The following MSRA variants were observed in gnomAD, a reference collection of about 807,000 sequenced individuals.
MSRA encodes the protein mitochondrial peptide methionine sulfoxide reductase.
In MSRA, 54 loss-of-function variants were observed where a neutral mutation model predicts 31.3. That is an observed-to-expected ratio of 1.73 (90% confidence interval 1.39 to 2.17). The LOEUF is 2.17. Among genes scored for constraint, MSRA ranks in the 30% most tolerant of loss-of-function variants. MSRA has a pLI of 0.00. For synonymous variants in MSRA, 169 were observed against 116.5 expected (o/e 1.45, Z -2.90); for missense variants, 507 against 300.9 (o/e 1.69, Z -5.07).
chr8:10,096,291 G>C (rs770451879), intron 1 of MSRA: 17 of 1,132,124 alleles, frequency 1.5e-5, no homozygotes, highest in Non-Finnish European at 1.8e-5. Flanking sequence ...GAAGACACCA[G>C]ACTTCGCTTG....
intron 1 of MSRA, among the ~76,000 whole-genome samples, chr8:10,150,895 C>T (rs994016732): frequency 6.6e-6 from 1 of 152,124 alleles, no homozygotes; most frequent in Admixed American, 6.5e-5. Context: ...ACAGGGATCT[C>T]TCATTTTATA....
intron 1 of MSRA, among the ~76,000 whole-genome samples, chr8:10,116,519 A>T (rs1800690403): frequency 6.6e-6 from 1 of 152,218 alleles, no homozygotes; most frequent in South Asian, 2.1e-4. Flanking sequence ...CTTGCCCTTG[A>T]GGCTTCTACA....
chr8:10,410,323 T>C (rs1249067134), intron 5 of MSRA, among the ~76,000 whole-genome samples: 1 of 152,144 alleles, frequency 6.6e-6, no homozygotes, highest in Admixed American at 6.5e-5. Flanking sequence ...AGTCACTTGT[T>C]TGGGGGGTGC....
At chr8:10,264,872 C>T (rs1365197980) in intron 3 of MSRA, among the ~76,000 whole-genome samples, 1 of 152,108 alleles carries the variant, frequency 6.6e-6, no homozygotes. Context: ...GAAGCAAGGG[C>T]CAAATCGCAG....
At chr8:10,370,597 C>T (rs1046496965) in intron 5 of MSRA, among the ~76,000 whole-genome samples, 6 of 152,306 alleles carry the variant, frequency 3.9e-5, no homozygotes, top group Non-Finnish European at 7.4e-5. Context: ...GAGCAAAGTC[C>T]TGGTCACCGC....
intron 2 of MSRA, among the ~76,000 whole-genome samples, chr8:10,215,372 G>A (rs1422719242): frequency 2.6e-5 from 4 of 152,176 alleles, no homozygotes; most frequent in African/African-American, 9.7e-5. Flanking sequence ...TGCCACCTAG[G>A]ACTGTTGTCA....
chr8:10,073,191 A>G (rs76912457), intron 1 of MSRA, among the ~76,000 whole-genome samples: 70 of 152,260 alleles, frequency 4.6e-4, no homozygotes, highest in African/African-American at 1.7e-3. Flanking sequence ...CTTTGTATCT[A>G]TCTTAGGGGA....
chr8:10,262,369 T>A (rs773268498), intron 3 of MSRA, among the ~76,000 whole-genome samples: 15 of 152,254 alleles, frequency 9.9e-5, no homozygotes, highest in Non-Finnish European at 2.1e-4. Context: ...TTACTTTACA[T>A]CCTTGCCAGC....
chr8:10,250,799 A>G (rs187918220), intron 3 of MSRA: 178 of 266,642 alleles, frequency 6.7e-4, no homozygotes, highest in Non-Finnish European at 1.0e-3. Context: ...AAATGGGGCA[A>G]TGCTGCTTGA....
At chr8:10,418,169 A>G (rs752071294) in intron 5 of MSRA, among the ~76,000 whole-genome samples, 3 of 152,214 alleles carry the variant, frequency 2.0e-5, no homozygotes, top group Non-Finnish European at 4.4e-5. Flanking sequence ...AAATAATTAC[A>G]TGAAAACCTA....
chr8:10,313,363 G>C (rs1316435955), intron 4 of MSRA, among the ~76,000 whole-genome samples: 1 of 151,954 alleles, frequency 6.6e-6, no homozygotes, highest in African/African-American at 2.4e-5. Context: ...TAACTGCTTT[G>C]CATGATTATG....
chr8:10,208,000 C>T, intron 2 of MSRA, 99 bp downstream of exon 2: 1 of 874,414 alleles, frequency 1.1e-6, no homozygotes, highest in Non-Finnish European at 1.8e-6. Flanking sequence ...AAAATCTGGG[C>T]TCTTCTAGAT....
At chr8:10,341,666 A>G (rs1233016277) in intron 5 of MSRA, among the ~76,000 whole-genome samples, 1 of 152,186 alleles carries the variant, frequency 6.6e-6, no homozygotes, top group African/African-American at 2.4e-5. Flanking sequence ...GAGCCTGGAT[A>G]GGTAACTTAA....
intron 5 of MSRA, among the ~76,000 whole-genome samples, chr8:10,378,631 T>G (rs1343270269): frequency 6.6e-6 from 1 of 152,150 alleles, no homozygotes; most frequent in Non-Finnish European, 1.5e-5. Flanking sequence ...CCTCAGCAGC[T>G]CCGCGTCCCT....
rs545520137 is a variant in MSRA, at chr8:10,074,146, G to A, written c.142+19488G>A. Among the ~76,000 whole-genome samples the A allele has an allele frequency of 1.2e-3, 158 of 131,210 alleles. 1 individual carries two copies. Among genetic ancestry groups the A allele is most frequent in the African/African-American group, 3.1e-3 (110 of 35,294 alleles). 86.1% of individuals were successfully genotyped at this position (131,210 alleles called of 152,430 possible). A position where few individuals can be genotyped will look rare whatever the true frequency, so the allele number is the denominator to read the frequency against. On this transcript the variant is annotated intron_variant, in intron 1 of 5. Coordinates refer to ENST00000317173, the MANE Select transcript of MSRA (RefSeq NM_012331.5). ...CCCCCAGGCTGGAGTGCAGTGGTGC[G>A]ATCTGGGCTCACTGCAAGCTCTGCC...
intron 5 of MSRA, among the ~76,000 whole-genome samples, chr8:10,392,780 C>G (rs1366949699): frequency 1.3e-5 from 2 of 150,308 alleles, no homozygotes; most frequent in Non-Finnish European, 2.9e-5. Flanking sequence ...GGCGTGGTGG[C>G]TCACGCCTGT....
chr8:10,327,743 C>G (rs934879481), intron 5 of MSRA, among the ~76,000 whole-genome samples: 2 of 152,162 alleles, frequency 1.3e-5, no homozygotes, highest in African/African-American at 4.8e-5. Context: ...ACTATCCTGG[C>G]TAACAAGGTG....
At chr8:10,413,700 C>G (rs1013504629) in intron 5 of MSRA, among the ~76,000 whole-genome samples, 3 of 138,458 alleles carry the variant, frequency 2.2e-5, no homozygotes, top group African/African-American at 5.3e-5. Context: ...TTCAAAGATA[C>G]AATAACTTTT....
rs775163476 is a variant in MSRA, at chr8:10,181,074, A to G, written c.143-26759A>G. On this transcript the variant is annotated intron_variant, in intron 1 of 5. Transcript: ENST00000317173. ...AGGCACTATCCTAGAAACTGGAGAT[A>G]GGTGAGAATGAGAAAAATTCGTCTA... Among the ~76,000 whole-genome samples, 103 of 152,358 alleles carry G rather than the reference A, an allele frequency of 6.8e-4. 2 individuals are homozygous for G. The highest frequency in any genetic ancestry group is 3.4e-3 in the Middle Eastern group (1 of 294).
Sources: gnomAD v4.1 joint callset for allele counts (sites outside exome capture counted in the v4.1 genomes callset) on GRCh38, gnomAD v4.1.1 for gene constraint, MANE v1.5 for transcripts, NCBI Gene and HGNC (gene_info 2026-07-23, HGNC 2026-07-21) for gene names.